Variants in TECTB observed in about 807,000 individuals in gnomAD.
TECTB encodes tectorin beta.
A neutral mutation model predicts 43.3 loss-of-function variants in TECTB; 45 were observed. The ratio of observed to expected loss-of-function variants is 1.04; its 90% CI spans 0.82 to 1.33. The LOEUF (loss-of-function observed/expected upper bound fraction) is 1.33, where lower values mean the gene tolerates loss of function less well. TECTB is among the 40% of genes most tolerant of loss of function. The pLI is 0.00. For missense variants in TECTB, 399 were observed against 404.7 expected (o/e 0.99, Z 0.12); for synonymous variants, 169 against 156.7 (o/e 1.08, Z -0.59).
At position 112,302,059 on chromosome 10, in the gene TECTB, TC is replaced by T. The variant is rs754045217; in HGVS notation, c.908-41del. ...ACTCTGAGACTTCTCCTTTCCATGA[TC>T]TTTTCTTAAACTTTCTGCATTCTCT... On this transcript the variant is annotated intron_variant, in intron 9 of 10. Transcript: ENST00000646139. 1.2e-5 allele frequency: 19 copies of T among 1,609,624 alleles called. No individual in the cohort carries two copies. In the East Asian group the frequency reaches 3.8e-4, roughly 32 times the overall value.
intron 5 of TECTB, among the ~76,000 whole-genome samples, chr10:112,289,150 A>G (rs1266029440): frequency 1.3e-5 from 2 of 152,206 alleles, no homozygotes; most frequent in Admixed American, 1.3e-4. Flanking sequence ...TGCCTGGTAC[A>G]AGTTAAGTAC....
intron 7 of TECTB, 24 bp from the exon 8 acceptor site, chr10:112,298,045 C>T (rs749253366): frequency 1.9e-6 from 3 of 1,613,898 alleles, no homozygotes; most frequent in African/African-American, 1.3e-5. Context: ...TGACAGTTCA[C>T]TCTTCTTTCC....
In TECTB at chr10:112,303,936, T is replaced by C. The variant is rs563982494; in HGVS notation, c.*624T>C. On this transcript the variant is annotated 3_prime_UTR_variant, in exon 11 of 11. Coordinates refer to ENST00000646139, the MANE Select transcript of TECTB (RefSeq NM_058222.3). ...GTACTGACCTAATTTGTTTTTATTA[T>C]ACCATTTGTTAAATATATAAACATG... is the stretch of plus-strand genomic sequence containing the variant. 23 of 152,366 alleles carry C rather than the reference T, an allele frequency of 1.5e-4. No individual in the cohort carries two copies. The highest frequency in any genetic ancestry group is 5.5e-4 in the African/African-American group (23 of 41,584). The allele number at this position is 152,366 out of a possible 1,614,324, so 9.4% of individuals were successfully genotyped here. A position where few individuals can be genotyped will look rare whatever the true frequency, so the allele number is the denominator to read the frequency against.
intron 8 of TECTB, 135 bp from the exon 9 acceptor site, chr10:112,299,357 C>G: frequency 2.7e-6 from 2 of 751,384 alleles, no homozygotes; most frequent in South Asian, 3.5e-5. Context: ...TAACTCATCT[C>G]TGTTGACTGG....
In TECTB at chr10:112,284,558, C is replaced by T. The variant is rs754236279; in HGVS notation, c.100C>T (p.Pro34Ser). 1 of 1,610,306 alleles carries T rather than the reference C, an allele frequency of 6.2e-7. No individual in the cohort carries two copies. Residue 34 changes from proline (P) to serine (S), a missense_variant, in exon 3 of 11, where the codon CCC becomes TCC. By Grantham distance (74) the Pro-to-Ser change is moderately conservative. Coordinates refer to ENST00000646139, the MANE Select transcript of TECTB (RefSeq NM_058222.3). ...AGATGTCATTCTTGTGTTTTGCTAT[C>T]CCAAAACCATCATCACCAAAATCCC... ...KADVILVFCYPKTIITKIPEC... is the reference protein window; with the variant it reads ...KADVILVFCYSKTIITKIPEC...
intron 5 of TECTB, among the ~76,000 whole-genome samples, chr10:112,287,272 G>C (rs1013608474): frequency 1.3e-5 from 2 of 152,166 alleles, no homozygotes; most frequent in Non-Finnish European, 2.9e-5. Flanking sequence ...AGAAGTTAAA[G>C]GCACACTTTG....
chr10:112,296,820 C>A (rs1357707865), intron 7 of TECTB, among the ~76,000 whole-genome samples: 1 of 152,098 alleles, frequency 6.6e-6, no homozygotes, highest in Non-Finnish European at 1.5e-5. Flanking sequence ...GGTAACTGGA[C>A]CGCTCTCTGG....
rs767180634 is a variant in TECTB, at chr10:112,298,073, C to A, written c.676C>A (p.Pro226Thr). 1.9e-6 allele frequency: 3 copies of A among 1,614,022 alleles called. No homozygotes were observed. Among genetic ancestry groups the A allele is most frequent in the Middle Eastern group, 3.3e-4 (2 of 6,070 alleles). ...TTCTTTCCCCATCTGCCTCAGCTGCCCCACGGATGAAACCGTCCTCGTGCA... is the reference window on the plus strand; with the variant it reads ...TTCTTTCCCCATCTGCCTCAGCTGCACCACGGATGAAACCGTCCTCGTGCA... ...LQWQLINKGC[P>T]TDETVLVHEN... Residue 226 changes from proline to threonine, a missense_variant, in exon 8 of 11, where the codon CCC becomes ACC. Pro to Thr is a conservative substitution (Grantham distance 38, BLOSUM62 -1). Transcript: ENST00000646139.
At position 112,293,857 on chromosome 10, in the gene TECTB, C is replaced by G; in HGVS notation, c.587+16C>G. The G allele has an allele frequency of 6.2e-7, 1 of 1,612,706 alleles. No individual in the cohort carries two copies. The highest frequency in any genetic ancestry group is 8.5e-7 in the Non-Finnish European group (1 of 1,178,734). On this transcript the variant is annotated intron_variant, in intron 6 of 10. Coordinates refer to ENST00000646139, the MANE Select transcript of TECTB (RefSeq NM_058222.3). ...TAAGCATTAGGTAAGTACATTTCCT[C>G]CAAGTTTATATGTTTAAATGCAAAG...
At chr10:112,296,716 T>C (rs1848549559) in intron 7 of TECTB, among the ~76,000 whole-genome samples, 1 of 152,144 alleles carries the variant, frequency 6.6e-6, no homozygotes, top group Non-Finnish European at 1.5e-5. Flanking sequence ...ACTCTCACAC[T>C]TGACTTCCTT....
At position 112,303,473 on chromosome 10, in the gene TECTB, G is replaced by A; in HGVS notation, c.*161G>A. 3.6e-6 allele frequency: 3 copies of A among 844,538 alleles called. No homozygotes were observed. The highest frequency in any genetic ancestry group is 5.6e-6 in the Non-Finnish European group (3 of 535,606). 52.3% of individuals were successfully genotyped at this position (844,538 alleles called of 1,614,324 possible). A position where few individuals can be genotyped will look rare whatever the true frequency, so the allele number is the denominator to read the frequency against. ...GCACTCCAATAATTTCTGTGAATTTGGTGATGCCTTTTTCTTTCTAAGAAA... is the reference window on the plus strand; with the variant it reads ...GCACTCCAATAATTTCTGTGAATTTAGTGATGCCTTTTTCTTTCTAAGAAA... On this transcript the variant is annotated 3_prime_UTR_variant, in exon 11 of 11. Transcript: ENST00000646139.
At chr10:112,283,576 A>G (rs1214315494) in intron 1 of TECTB, 72 bp from the exon 2 acceptor site, 2 of 653,462 alleles carry the variant, frequency 3.1e-6, no homozygotes, top group African/African-American at 3.7e-5. Flanking sequence ...TCCCTTGAAA[A>G]TTTCCCCAAG....
chr10:112,297,878 T>C (rs1848562574), intron 7 of TECTB, among the ~76,000 whole-genome samples, 191 bp from the exon 8 acceptor site: 1 of 152,204 alleles, frequency 6.6e-6, no homozygotes, highest in African/African-American at 2.4e-5. Context: ...ATGAGGACAG[T>C]AATACCCATC....
At position 112,298,108 on chromosome 10, in the gene TECTB, G is replaced by A. The variant is rs1714010630; in HGVS notation, c.711G>A (p.Gly237=). ...AAACCGTCCTCGTGCATGAGAATGG[G>A]AGAGATCACAGGGCAACCTTCCAAT... ...TDETVLVHEN[G]RDHRATFQFN... is the part of the protein sequence containing the mutation. The change falls in exon 8 of 11, where the codon GGG becomes GGA. Residue 237 remains glycine (G), a synonymous_variant. Transcript: ENST00000646139. 2 of 1,614,066 alleles carry A rather than the reference G, an allele frequency of 1.2e-6. No homozygotes were observed. The highest frequency in any genetic ancestry group is 1.7e-6 in the Non-Finnish European group (2 of 1,180,036).
chr10:112,297,376 T>C (rs1848557586), intron 7 of TECTB, among the ~76,000 whole-genome samples: 1 of 152,166 alleles, frequency 6.6e-6, no homozygotes, highest in African/African-American at 2.4e-5. Context: ...CTTTGAGACG[T>C]TGGAATATCA....
intron 5 of TECTB, among the ~76,000 whole-genome samples, chr10:112,289,350 G>A (rs927579677): frequency 3.3e-5 from 5 of 152,052 alleles, no homozygotes; most frequent in African/African-American, 1.2e-4. Context: ...AGCTTAAGAC[G>A]GAAAAAATGC....
chr10:112,302,398 C>A, intron 10 of TECTB: 1 of 430,866 alleles, frequency 2.3e-6, no homozygotes, highest in Non-Finnish European at 4.1e-6. Context: ...GTAAAGCCAT[C>A]CCCAGATGGC....
intron 8 of TECTB, among the ~76,000 whole-genome samples, chr10:112,298,449 C>T (rs1589641581): frequency 6.6e-6 from 1 of 152,262 alleles, no homozygotes; most frequent in East Asian, 1.9e-4. Flanking sequence ...TGGCATGTGT[C>T]GCCTAACCTG....
At chr10:112,299,747 G>T (rs1239511678) in intron 9 of TECTB, 183 bp downstream of exon 9, 19 of 607,514 alleles carry the variant, frequency 3.1e-5, no homozygotes, top group Non-Finnish European at 2.0e-5. Flanking sequence ...CCAAACGAAG[G>T]AGTTGAGGTT....
Sources: allele counts gnomAD v4.1 joint callset (sites outside exome capture counted in the v4.1 genomes callset), GRCh38; gene constraint gnomAD v4.1.1; transcripts MANE v1.5; gene names NCBI Gene and HGNC (gene_info 2026-07-23, HGNC 2026-07-21).